PARD3B: variants seen among roughly 807,000 people sequenced by gnomAD.
PARD3B encodes partitioning defective 3 homolog B.
PARD3B carries 103 observed loss-of-function variants against 130.2 expected under a neutral mutation model. That is an observed-to-expected ratio of 0.79 (90% confidence interval 0.67 to 0.93). The LOEUF (loss-of-function observed/expected upper bound fraction) is 0.93. Among genes scored for constraint, PARD3B ranks in the 40% least tolerant of loss-of-function variants. The pLI, the probability that PARD3B is intolerant of heterozygous loss-of-function variation, is 0.00. For synonymous variants in PARD3B, 583 were observed against 553.2 expected (o/e 1.05, Z -0.76); for missense variants, 1,609 against 1,499.2 (o/e 1.07, Z -1.21).
At chr2:204,977,954 T>C (rs1692335404) in intron 3 of PARD3B, among the ~76,000 whole-genome samples, 1 of 152,034 alleles carries the variant, frequency 6.6e-6, no homozygotes, top group African/African-American at 2.4e-5. Context: ...CTGCAACCTA[T>C]GGATGGCAAG....
chr2:205,084,348 G>C (rs1404704749), intron 4 of PARD3B, among the ~76,000 whole-genome samples: 1 of 152,010 alleles, frequency 6.6e-6, no homozygotes, highest in Non-Finnish European at 1.5e-5. Context: ...AGATCTAGAG[G>C]CTTGATTGGA....
rs1335561121 is a variant in PARD3B, at chr2:205,241,556, G to T, written c.2141-4222G>T. On this transcript the variant is annotated intron_variant, in intron 15 of 22. Transcript: ENST00000406610. This position sits in a 1 kb window ranked among gnomAD's most constrained non-coding sequence, Gnocchi z 4.2. The stretch of plus-strand genomic sequence containing the variant: ...AAAACTGAAGGATAAGAAAGGGAAT[G>T]AAATAACCTTTAAATACAAATACTT... 6.6e-6 allele frequency among the ~76,000 whole-genome samples: 1 copy of T among 151,978 alleles called. No homozygotes were observed. Among genetic ancestry groups the T allele is most frequent in the Non-Finnish European group, 1.5e-5 (1 of 67,960 alleles).
At chr2:204,660,390 A>T (rs965768616) in intron 1 of PARD3B, among the ~76,000 whole-genome samples, 3 of 152,216 alleles carry the variant, frequency 2.0e-5, no homozygotes, top group African/African-American at 7.2e-5. Flanking sequence ...CCCAGCTATT[A>T]AACATTTAAA....
chr2:205,317,263 A>G (rs887849140), intron 18 of PARD3B, among the ~76,000 whole-genome samples: 1 of 152,180 alleles, frequency 6.6e-6, no homozygotes, highest in African/African-American at 2.4e-5. Context: ...GAAGATGCAT[A>G]CTTCTTACCT....
chr2:205,259,123 C>T (rs1389011859), intron 16 of PARD3B, among the ~76,000 whole-genome samples: 7 of 152,092 alleles, frequency 4.6e-5, no homozygotes, highest in South Asian at 4.2e-4. Context: ...TTTTTGGTCC[C>T]GCAAATTATA....
intron 2 of PARD3B, among the ~76,000 whole-genome samples, chr2:204,878,382 G>GA (rs1463091233): frequency 6.6e-6 from 1 of 151,918 alleles, no homozygotes; most frequent in Non-Finnish European, 1.5e-5. Context: ...CAATAACACA[G>GA]AAAAAAATTG....
At chr2:204,851,442 T>A (rs1483571671) in intron 2 of PARD3B, among the ~76,000 whole-genome samples, 2 of 152,210 alleles carry the variant, frequency 1.3e-5, no homozygotes, top group Non-Finnish European at 2.9e-5. Flanking sequence ...AATCAGCTTG[T>A]TGTCAGAGTG....
Position 204,978,045 on chromosome 2 carries a change from T to TG in PARD3B, c.394+12724dup, listed in dbSNP as rs1359479411. ...CCAAGATTCCTCTCTTCCTACCCACTGGTCTCCTGCTGATCCTTCCTGATG... is the reference window on the plus strand; with the variant it reads ...CCAAGATTCCTCTCTTCCTACCCACTGGGTCTCCTGCTGATCCTTCCTGATG... On this transcript the variant is annotated intron_variant, in intron 3 of 22. Coordinates refer to ENST00000406610, the MANE Select transcript of PARD3B (RefSeq NM_001302769.2). 3.3e-5 allele frequency among the ~76,000 whole-genome samples: 5 copies of TG among 152,086 alleles called. No individual in the cohort carries two copies. In the East Asian group the frequency reaches 9.7e-4, roughly 29 times the overall value.
rs867572443 is a variant in PARD3B at position 205,583,400 on chromosome 2, T to C, written c.3260+29997T>C. Among the ~76,000 whole-genome samples, 705 of 133,990 alleles carry C rather than the reference T, an allele frequency of 5.3e-3. 10 individuals are homozygous for C. Among genetic ancestry groups the C allele is most frequent in the Non-Finnish European group, 5.6e-3 (347 of 62,156 alleles). 87.9% of individuals were successfully genotyped at this position (133,990 alleles called of 152,430 possible). ...CTCTGTGTGTGTGTGTGTGTGTGTG[T>C]GCGCGCGCACGCGCGTGTGAGAGAG... On this transcript the variant is annotated intron_variant, in intron 22 of 22. Transcript: ENST00000406610.
At chr2:204,819,711 T>C (rs2043269566) in intron 2 of PARD3B, among the ~76,000 whole-genome samples, 1 of 152,114 alleles carries the variant, frequency 6.6e-6, no homozygotes, top group East Asian at 1.9e-4. Context: ...CGAAGGAAAT[T>C]AAAAAGACTC....
At chr2:204,869,726 A>G (rs2045562448) in intron 2 of PARD3B, among the ~76,000 whole-genome samples, 1 of 152,050 alleles carries the variant, frequency 6.6e-6, no homozygotes, top group Non-Finnish European at 1.5e-5. Context: ...CTTATCTAGG[A>G]TCAAAGAATA....
At chr2:205,577,887 G>C (rs1358069746) in intron 22 of PARD3B, among the ~76,000 whole-genome samples, 2 of 152,150 alleles carry the variant, frequency 1.3e-5, no homozygotes, top group African/African-American at 4.8e-5. Flanking sequence ...TCCAAAGAAA[G>C]TTGTTTCCGT....
At chr2:204,745,226 G>A (rs1439482236) in intron 2 of PARD3B, among the ~76,000 whole-genome samples, 1 of 152,090 alleles carries the variant, frequency 6.6e-6, no homozygotes, top group Non-Finnish European at 1.5e-5. Flanking sequence ...TCCCGTGGTA[G>A]CATTTCCTTG....
chr2:204,838,349 A>ATG (rs55688873), intron 2 of PARD3B, among the ~76,000 whole-genome samples: 13,832 of 135,278 alleles, frequency 0.1, 722 homozygotes, highest in South Asian at 0.18. Flanking sequence ...TACCTGGCTA[A>ATG]TGTGTGTGTG....
intron 21 of PARD3B, among the ~76,000 whole-genome samples, chr2:205,509,306 C>T (rs1324863969): frequency 6.6e-6 from 1 of 152,118 alleles, no homozygotes; most frequent in African/African-American, 2.4e-5. Context: ...TTGTGCTAAT[C>T]CCAGAACAAT....
intron 3 of PARD3B, among the ~76,000 whole-genome samples, chr2:204,976,015 G>T (rs1692108270): frequency 1.3e-5 from 2 of 152,102 alleles, no homozygotes; most frequent in South Asian, 4.1e-4. Flanking sequence ...TTTGATAGTT[G>T]CCACAAACTT....
chr2:205,307,777 T>C (rs539958010), intron 18 of PARD3B, among the ~76,000 whole-genome samples: 1 of 152,338 alleles, frequency 6.6e-6, no homozygotes, highest in South Asian at 2.1e-4. Flanking sequence ...AATTCTGTCA[T>C]AGATTTATGT....
rs558473528 is a variant in PARD3B at position 205,078,894 on chromosome 2, A to G, written c.505-25532A>G. Reference sequence around the variant, plus strand: ...GCAATCTAGTTGGCAGCCATGGCAGATCTCCCAGCTTCCAGCTCGCATCAA... The same window carrying G: ...GCAATCTAGTTGGCAGCCATGGCAGGTCTCCCAGCTTCCAGCTCGCATCAA... On this transcript the variant is annotated intron_variant, in intron 4 of 22. Transcript: ENST00000406610. This position sits in a 1 kb window ranked among gnomAD's most constrained non-coding sequence, Gnocchi z 4.0. Among the ~76,000 whole-genome samples, 8 of 152,290 alleles carry G rather than the reference A, an allele frequency of 5.3e-5. No individual in the cohort carries two copies. In the East Asian group the frequency reaches 1.2e-3, roughly 22 times the overall value.
intron 1 of PARD3B, among the ~76,000 whole-genome samples, chr2:204,653,966 A>G (rs1009811792): frequency 4.0e-5 from 6 of 151,178 alleles, no homozygotes. Flanking sequence ...ACATGCATAT[A>G]CATAAATAAT....
Sources: allele counts gnomAD v4.1 joint callset (sites outside exome capture counted in the v4.1 genomes callset), GRCh38; gene constraint gnomAD v4.1.1; non-coding constraint Gnocchi (gnomAD v3.1); transcripts MANE v1.5; gene names NCBI Gene and HGNC (gene_info 2026-07-23, HGNC 2026-07-21).